Variants in HYDIN observed in about 807,000 individuals in gnomAD.
The protein encoded by HYDIN is HYDIN axonemal central pair apparatus protein, also known as axonemal central pair apparatus protein HYDIN.
Under a neutral mutation model 403.9 loss-of-function variants are expected in HYDIN, and 132 were observed. The ratio of observed to expected loss-of-function variants is 0.33; its 90% CI spans 0.28 to 0.38. The LOEUF (loss-of-function observed/expected upper bound fraction) is 0.38. Ranked by LOEUF, HYDIN falls within the 10% of genes least tolerant of loss-of-function variation. The probability of loss-of-function intolerance (pLI) is 1.00; values close to 1 mark genes in which losing one functional copy is unlikely to be tolerated. For missense variants in HYDIN, 2,827 were observed against 5,009.5 expected (o/e 0.56, Z 13.15); for synonymous variants, 1,202 against 1,891.7 (o/e 0.64, Z 9.46).
At chr16:70,872,426 C>T (rs1196924821) in intron 64 of HYDIN, among the ~76,000 whole-genome samples, 5 of 148,968 alleles carry the variant, frequency 3.4e-5, no homozygotes, top group South Asian at 2.1e-4. Context: ...TCCACCCACC[C>T]ATCATCTACC....
intron 75 of HYDIN, among the ~76,000 whole-genome samples, chr16:70,849,394 T>A (rs988392283): frequency 5.9e-5 from 9 of 152,184 alleles, no homozygotes; most frequent in African/African-American, 2.2e-4. Context: ...TCTCTGCCAT[T>A]CCTGCTGACA....
intron 75 of HYDIN, among the ~76,000 whole-genome samples, chr16:70,847,626 T>G (rs1473296871): frequency 6.6e-6 from 1 of 152,090 alleles, no homozygotes; most frequent in Non-Finnish European, 1.5e-5. Flanking sequence ...ATAATTTTTT[T>G]TTTTCAGCAC....
intron 16 of HYDIN, among the ~76,000 whole-genome samples, chr16:71,063,521 C>T: frequency 6.6e-6 from 1 of 152,226 alleles, no homozygotes. Flanking sequence ...GCAGAAACAA[C>T]TTCCCCTGAC....
chr16:70,902,821 A>ATATATTTTTTTTTTTTTTT, intron 52 of HYDIN, among the ~76,000 whole-genome samples: 2 of 47,310 alleles, frequency 4.2e-5, no homozygotes, highest in East Asian at 5.5e-4. Flanking sequence ...ATATATATAT[A>ATATATTTTTTTTTTTTTTT]TTTTTTTTTT....
intron 23 of HYDIN, among the ~76,000 whole-genome samples, chr16:70,999,013 T>C (rs1186260169): frequency 1.3e-5 from 2 of 152,176 alleles, no homozygotes; most frequent in Admixed American, 1.3e-4. Context: ...TACCACAGAA[T>C]ACTTCCAACT....
At chr16:70,870,097 T>A (rs7188327) in intron 65 of HYDIN, among the ~76,000 whole-genome samples, 1 of 152,160 alleles carries the variant, frequency 6.6e-6, no homozygotes, top group African/African-American at 2.4e-5. Flanking sequence ...TTGAGGGAGA[T>A]GATTTAGGTT....
intron 58 of HYDIN, among the ~76,000 whole-genome samples, chr16:70,888,427 C>T (rs9931940): frequency 0.017 from 2,508 of 151,768 alleles, 4 homozygotes; most frequent in African/African-American, 0.057. Context: ...GTCCAGATTC[C>T]CCACTCAGAC....
chr16:71,125,489 T>A (rs1446197493), intron 9 of HYDIN, among the ~76,000 whole-genome samples: 1 of 152,036 alleles, frequency 6.6e-6, no homozygotes, highest in Non-Finnish European at 1.5e-5. Context: ...AATTGGAGAG[T>A]CAGCATTTGT....
intron 7 of HYDIN, among the ~76,000 whole-genome samples, chr16:71,139,838 G>T (rs2085099168): frequency 6.6e-6 from 1 of 151,526 alleles, no homozygotes; most frequent in Middle Eastern, 3.2e-3. Flanking sequence ...TTCAAAAGAT[G>T]ATGGCTAAGA....
intron 19 of HYDIN, chr16:71,031,393 A>C (rs2080904730): frequency 2.2e-5 from 27 of 1,237,834 alleles, no homozygotes; most frequent in Non-Finnish European, 2.3e-5. Flanking sequence ...TGAGAGTCTA[A>C]ATTAATCACA....
At chr16:70,984,687 TA>T (rs1458446606) in intron 28 of HYDIN, among the ~76,000 whole-genome samples, 1 of 127,712 alleles carries the variant, frequency 7.8e-6, no homozygotes, top group African/African-American at 3.7e-5. Context: ...TTTCCTTTTT[TA>T]ATAACAATTA....
At chr16:71,068,929 T>A (rs1247363141) in intron 14 of HYDIN, among the ~76,000 whole-genome samples, 1 of 152,182 alleles carries the variant, frequency 6.6e-6, no homozygotes, top group African/African-American at 2.4e-5. Context: ...GAAGGAAAGA[T>A]AAACCTAAGT....
intron 1 of HYDIN, among the ~76,000 whole-genome samples, chr16:71,226,068 T>C (rs575364329): frequency 1.3e-5 from 2 of 152,228 alleles, no homozygotes; most frequent in South Asian, 4.1e-4. Flanking sequence ...AATTCTAAAG[T>C]TTGTATGGAA....
At chr16:70,953,667 TA>T (rs2078141265) in intron 40 of HYDIN, among the ~76,000 whole-genome samples, 1 of 152,062 alleles carries the variant, frequency 6.6e-6, no homozygotes, top group African/African-American at 2.4e-5. Context: ...TCACCTACCC[TA>T]GTGGTTTCAT....
At chr16:71,139,415 T>C (rs1419019070) in intron 7 of HYDIN, among the ~76,000 whole-genome samples, 7 of 152,080 alleles carry the variant, frequency 4.6e-5, no homozygotes, top group African/African-American at 1.7e-4. Context: ...AAAATGGAAA[T>C]AGGCCCACAA....
At chr16:70,982,045 G>T (rs867924228) in intron 28 of HYDIN, among the ~76,000 whole-genome samples, 1 of 149,596 alleles carries the variant, frequency 6.7e-6, no homozygotes, top group East Asian at 2.0e-4. Context: ...GGAGAATGGC[G>T]TGAACCCGGG....
chr16:71,229,879 A>G (rs758372621), intron 1 of HYDIN, among the ~76,000 whole-genome samples: 1 of 152,198 alleles, frequency 6.6e-6, no homozygotes, highest in Non-Finnish European at 1.5e-5. Flanking sequence ...TATAACTCCC[A>G]TAATCCCCAC....
intron 38 of HYDIN, among the ~76,000 whole-genome samples, chr16:70,960,822 G>T (rs1425914711): frequency 6.6e-6 from 1 of 151,902 alleles, no homozygotes; most frequent in African/African-American, 2.4e-5. Flanking sequence ...CTCCCAAGTA[G>T]CTGGGACTAC....
chr16:71,222,602 G>C (rs2040852836), intron 1 of HYDIN, among the ~76,000 whole-genome samples: 1 of 151,820 alleles, frequency 6.6e-6, no homozygotes, highest in Non-Finnish European at 1.5e-5. Flanking sequence ...CATCCAAAAG[G>C]CTCCTAGATC....
Sources: gnomAD v4.1 joint callset for allele counts (sites outside exome capture counted in the v4.1 genomes callset) on GRCh38, gnomAD v4.1.1 for gene constraint, MANE v1.5 for transcripts, NCBI Gene and HGNC (gene_info 2026-07-23, HGNC 2026-07-21) for gene names.